CDH4: variants seen among roughly 807,000 people sequenced by gnomAD.
CDH4 encodes the protein cadherin 4, also known as cadherin-4.
A neutral mutation model predicts 86.0 loss-of-function variants in CDH4; 33 were observed. The observed-to-expected ratio is 0.38, with a 90% CI of 0.29 to 0.51. The LOEUF (loss-of-function observed/expected upper bound fraction) is 0.51. Among genes scored for constraint, CDH4 ranks in the 20% least tolerant of loss-of-function variants. The probability of loss-of-function intolerance (pLI) is 0.86; values close to 1 mark genes in which losing one functional copy is unlikely to be tolerated. For missense variants in CDH4, 1,114 were observed against 1,307.4 expected, an observed-to-expected ratio of 0.85 and a Z score of 2.28; for synonymous variants, 555 against 549.4, an observed-to-expected ratio of 1.01 and a Z score of -0.14.
At chr20:61,538,032 C>T (rs1286036204) in intron 2 of CDH4, among the ~76,000 whole-genome samples, 1 of 152,212 alleles carries the variant, frequency 6.6e-6, no homozygotes, top group African/African-American at 2.4e-5. Flanking sequence ...TGAGCCCCTC[C>T]AAACCCCTAG....
chr20:61,347,209 GGCCCTGCCC>G (rs1371286601), intron 2 of CDH4, among the ~76,000 whole-genome samples: 7 of 152,224 alleles, frequency 4.6e-5, no homozygotes, highest in Non-Finnish European at 8.8e-5. Flanking sequence ...ATGGCCGTGA[GGCCCTGCCC>G]GCATTCAGAA....
chr20:61,728,928 A>G (rs1197690843), intron 2 of CDH4, among the ~76,000 whole-genome samples: 1 of 152,190 alleles, frequency 6.6e-6, no homozygotes. Flanking sequence ...ACCCCTAGCC[A>G]TCAGGACACC....
intron 2 of CDH4, among the ~76,000 whole-genome samples, chr20:61,287,765 C>A (rs367569825): frequency 6.6e-6 from 1 of 152,160 alleles, no homozygotes; most frequent in Non-Finnish European, 1.5e-5. Context: ...AGCCACTCCC[C>A]CTAAGTGAGG....
chr20:61,559,870 G>A (rs1414221756), intron 2 of CDH4, among the ~76,000 whole-genome samples: 2 of 152,042 alleles, frequency 1.3e-5, no homozygotes, highest in African/African-American at 2.4e-5. Flanking sequence ...CTGGCTTCCC[G>A]GGGCTTCTTG....
intron 2 of CDH4, among the ~76,000 whole-genome samples, chr20:61,341,959 G>T (rs79634759): frequency 4.5e-3 from 681 of 152,296 alleles, no homozygotes; most frequent in South Asian, 0.012. Context: ...GAGGAAGCTG[G>T]TTGTTTAATC....
At chr20:61,412,253 G>A (rs539794373) in intron 2 of CDH4, among the ~76,000 whole-genome samples, 2 of 152,322 alleles carry the variant, frequency 1.3e-5, no homozygotes, top group African/African-American at 4.8e-5. Context: ...TCCGTAGCAT[G>A]AGCCCATGAT....
At chr20:61,296,139 G>A (rs1192522163) in intron 2 of CDH4, among the ~76,000 whole-genome samples, 1 of 152,156 alleles carries the variant, frequency 6.6e-6, no homozygotes, top group African/African-American at 2.4e-5. Flanking sequence ...CCACATCAAG[G>A]GTTGGATGTG....
intron 2 of CDH4, among the ~76,000 whole-genome samples, chr20:61,636,886 ACCCT>A (rs1406232568): frequency 6.6e-6 from 1 of 151,738 alleles, no homozygotes; most frequent in Non-Finnish European, 1.5e-5. Context: ...CTGGGGGCCC[ACCCT>A]CCCTGAGCTG....
intron 2 of CDH4, among the ~76,000 whole-genome samples, chr20:61,529,783 C>A (rs534342483): frequency 6.6e-6 from 1 of 152,196 alleles, no homozygotes; most frequent in East Asian, 1.9e-4. Flanking sequence ...GCTCAAGGTT[C>A]TTTTATTGGA....
At chr20:61,445,694 T>C (rs1432123323) in intron 2 of CDH4, among the ~76,000 whole-genome samples, 1 of 152,248 alleles carries the variant, frequency 6.6e-6, no homozygotes, top group African/African-American at 2.4e-5. Flanking sequence ...GTTTGTGTTA[T>C]ATTTCACAGT....
chr20:61,681,510 A>G lies in CDH4; in HGVS notation c.170-62053A>G, dbSNP rs1416131659. On this transcript the variant is annotated intron_variant, in intron 2 of 15. Coordinates refer to ENST00000614565, the MANE Select transcript of CDH4 (RefSeq NM_001794.5). The surrounding 1 kb of genome is among the most constrained non-coding windows in gnomAD (Gnocchi z 4.5). ...GTGGGAGAATTAGACAATCCTTGGA[A>G]CTTGATAACTGTGTGCATTTTAAGG... 1.3e-5 allele frequency among the ~76,000 whole-genome samples: 2 copies of G among 152,176 alleles called. No individual in the cohort carries two copies. The highest frequency in any genetic ancestry group is 4.8e-5 in the African/African-American group (2 of 41,440).
chr20:61,928,249 A>T lies in CDH4; in HGVS notation c.1831A>T (p.Asn611Tyr). The change falls in exon 12 of 16, where the codon AAC becomes TAC. Residue 611 changes from asparagine to tyrosine, a missense_variant. By Grantham distance (143) the Asn-to-Tyr change is moderately radical (BLOSUM62 -2). Coordinates refer to ENST00000614565, the MANE Select transcript of CDH4 (RefSeq NM_001794.5). ...GATCTATCTCATTGACATCAACGAC[A>T]ACGCCCCTGAGCTGCTGCCCAAGGA... ...LQIYLIDIND[N>Y]APELLPKEAQ... The T allele has an allele frequency of 1.9e-6, 3 of 1,607,392 alleles. No individual in the cohort carries two copies. Among genetic ancestry groups the T allele is most frequent in the Non-Finnish European group, 2.5e-6 (3 of 1,179,988 alleles).
At chr20:61,630,024 C>A (rs1336148564) in intron 2 of CDH4, among the ~76,000 whole-genome samples, 1 of 152,146 alleles carries the variant, frequency 6.6e-6, no homozygotes, top group Non-Finnish European at 1.5e-5. Flanking sequence ...CGGTGTGAGG[C>A]CTCTCACATT....
At chr20:61,769,080 C>G (rs1048003976) in intron 3 of CDH4, among the ~76,000 whole-genome samples, 2 of 152,190 alleles carry the variant, frequency 1.3e-5, no homozygotes, top group Non-Finnish European at 2.9e-5. Flanking sequence ...CTGCTAGTGG[C>G]TGTGCCAGAG....
chr20:61,749,025 G>A (rs1337736111), intron 3 of CDH4, among the ~76,000 whole-genome samples: 3 of 110,544 alleles, frequency 2.7e-5, no homozygotes, highest in Non-Finnish European at 5.6e-5. Context: ...AAGTTTAGCA[G>A]TAAAATCCTA....
chr20:61,668,753 A>T (rs1241527137), intron 2 of CDH4, among the ~76,000 whole-genome samples: 1 of 152,212 alleles, frequency 6.6e-6, no homozygotes, highest in Non-Finnish European at 1.5e-5. Flanking sequence ...CTCCAGGGGG[A>T]TGCTGGTTCC....
At chr20:61,680,689 A>C (rs925258116) in intron 2 of CDH4, among the ~76,000 whole-genome samples, 1 of 152,146 alleles carries the variant, frequency 6.6e-6, no homozygotes, top group African/African-American at 2.4e-5. Flanking sequence ...TGGTTCAGCA[A>C]GTTCGATGCT....
At chr20:61,275,506 GCAGTTTGGGGGAGTACCATGCA>G in intron 2 of CDH4, among the ~76,000 whole-genome samples, 2 of 138,450 alleles carry the variant, frequency 1.4e-5, no homozygotes, top group African/African-American at 2.8e-5. Flanking sequence ...AGTACTGTGT[GCAGTTTGGGGGAGTACCATGCA>G]CAGTTTGGGG....
chr20:61,831,040 G>A (rs189725551), intron 4 of CDH4, among the ~76,000 whole-genome samples: 190 of 152,230 alleles, frequency 1.2e-3, no homozygotes, highest in African/African-American at 4.0e-3. Flanking sequence ...CCGGGGTCTC[G>A]CCCCTCCTGG....
Sources: allele counts gnomAD v4.1 joint callset (sites outside exome capture counted in the v4.1 genomes callset), GRCh38; gene constraint gnomAD v4.1.1; non-coding constraint Gnocchi (gnomAD v3.1); transcripts MANE v1.5; gene names NCBI Gene and HGNC (gene_info 2026-07-23, HGNC 2026-07-21).